CTNNA2: variants seen among roughly 807,000 people sequenced by gnomAD.
CTNNA2 encodes the protein catenin alpha 2.
A neutral mutation model predicts 101.0 loss-of-function variants in CTNNA2; 42 were observed. That is an observed-to-expected ratio of 0.42 (90% CI 0.32 to 0.54). The LOEUF (loss-of-function observed/expected upper bound fraction) is 0.54. Ranked by LOEUF, CTNNA2 falls within the 20% of genes least tolerant of loss-of-function variation. CTNNA2 has a pLI of 0.14. For missense variants in CTNNA2, 871 were observed against 1,223.1 expected (o/e 0.71, Z 4.29); for synonymous variants, 450 against 456.4 (o/e 0.99, Z 0.18).
intron 7 of CTNNA2, among the ~76,000 whole-genome samples, chr2:79,939,268 T>G (rs888413255): frequency 6.6e-6 from 1 of 151,802 alleles, no homozygotes; most frequent in Non-Finnish European, 1.5e-5. Context: ...AAGTAGCTTG[T>G]AGCATCTGAC....
chr2:80,142,094 G>A (rs908615017), intron 7 of CTNNA2, among the ~76,000 whole-genome samples: 3 of 151,990 alleles, frequency 2.0e-5, no homozygotes, highest in Non-Finnish European at 4.4e-5. Context: ...AGAAAGCTTC[G>A]CCTCCTAAAC....
intron 1 of CTNNA2, among the ~76,000 whole-genome samples, chr2:79,571,197 T>C (rs1675439645): frequency 6.6e-6 from 1 of 152,176 alleles, no homozygotes; most frequent in African/African-American, 2.4e-5. Flanking sequence ...GGGCCTGTTT[T>C]CCATTTCTCA....
intron 12 of CTNNA2, among the ~76,000 whole-genome samples, chr2:80,568,251 T>C (rs1211039892): frequency 4.6e-5 from 7 of 152,248 alleles, no homozygotes; most frequent in South Asian, 2.1e-4. Flanking sequence ...ACTGAACCAA[T>C]GCTAAATGAT....
chr2:80,490,271 T>TCCCCCCCCTCC (rs1185906142), intron 9 of CTNNA2, among the ~76,000 whole-genome samples: 1 of 51,848 alleles, frequency 1.9e-5, no homozygotes, highest in Admixed American at 2.2e-4. Context: ...TTTTTTTCCT[T>TCCCCCCCCTCC]CCCCCCCCAC....
chr2:79,975,166 A>T lies in CTNNA2; in HGVS notation c.1056+65369A>T, dbSNP rs930264. On this transcript the variant is annotated intron_variant, in intron 7 of 18. Transcript: ENST00000402739. The stretch of plus-strand genomic sequence containing the variant: ...AGTGACTTGCCTTATTCGTGAAACA[A>T]AATGATTTTGAGTTAGAGGCAGACT... Among the ~76,000 whole-genome samples the T allele has an allele frequency of 8.9e-3, 1,355 of 152,292 alleles. 20 individuals carry two copies. The highest frequency in any genetic ancestry group is 0.029 in the African/African-American group (1,214 of 41,554).
At chr2:80,471,452 G>A (rs1214900871) in intron 9 of CTNNA2, among the ~76,000 whole-genome samples, 1 of 152,118 alleles carries the variant, frequency 6.6e-6, no homozygotes, top group Non-Finnish European at 1.5e-5. Context: ...CCTACTGTAG[G>A]AGCCAGTGAT....
chr2:80,570,581 T>C (rs1170964972), intron 12 of CTNNA2, among the ~76,000 whole-genome samples: 1 of 152,138 alleles, frequency 6.6e-6, no homozygotes, highest in Non-Finnish European at 1.5e-5. Flanking sequence ...GTAAATATAA[T>C]GAATTGAATG....
intron 3 of CTNNA2, among the ~76,000 whole-genome samples, chr2:79,805,561 G>A (rs1271174468): frequency 1.3e-5 from 2 of 152,036 alleles, no homozygotes. Flanking sequence ...AATAATAATA[G>A]CAGTACGTTA....
At chr2:80,128,520 A>C (rs1010182515) in intron 7 of CTNNA2, among the ~76,000 whole-genome samples, 18 of 152,154 alleles carry the variant, frequency 1.2e-4, no homozygotes, top group African/African-American at 4.3e-4. Flanking sequence ...AAGCAACGTA[A>C]GTTAAAAGAC....
intron 1 of CTNNA2, among the ~76,000 whole-genome samples, chr2:79,196,879 A>G (rs1673968325): frequency 6.6e-6 from 1 of 152,178 alleles, no homozygotes; most frequent in Non-Finnish European, 1.5e-5. Flanking sequence ...TTAGGGATGC[A>G]TGCTTCTTTA....
intron 4 of CTNNA2, among the ~76,000 whole-genome samples, chr2:79,397,819 G>A (rs968307420): frequency 6.6e-5 from 10 of 152,062 alleles, no homozygotes; most frequent in Non-Finnish European, 1.0e-4. Flanking sequence ...CACCAAGTCT[G>A]TTTATTTTTT....
intron 4 of CTNNA2, among the ~76,000 whole-genome samples, chr2:79,470,385 C>T (rs998772303): frequency 6.6e-6 from 1 of 152,060 alleles, no homozygotes; most frequent in Non-Finnish European, 1.5e-5. Flanking sequence ...AACTGTAAAT[C>T]CAAAGTAGCC....
intron 2 of CTNNA2, among the ~76,000 whole-genome samples, chr2:79,305,457 G>A (rs937271861): frequency 1.3e-5 from 2 of 150,776 alleles, no homozygotes; most frequent in African/African-American, 4.9e-5. Context: ...TAGAGTTTGT[G>A]TTACTACCTT....
At position 80,150,958 on chromosome 2, in the gene CTNNA2, C is replaced by G. The variant is rs553732122; in HGVS notation, c.1056+241161C>G. ...AACCAGTCTCCCATCACTTTCTCCT[C>G]AGGTGAAGTTGAAAGCTCAGCCTGT... On this transcript the variant is annotated intron_variant, in intron 7 of 18. Transcript: ENST00000402739. Among the ~76,000 whole-genome samples the G allele has an allele frequency of 1.4e-3, 207 of 152,302 alleles. 1 individual carries two copies. The highest frequency in any genetic ancestry group is 4.8e-3 in the African/African-American group (198 of 41,562).
intron 7 of CTNNA2, among the ~76,000 whole-genome samples, chr2:80,245,516 A>G (rs976779306): frequency 5.3e-5 from 8 of 152,114 alleles, no homozygotes; most frequent in South Asian, 2.1e-4. Context: ...TTATAGTCCC[A>G]CAGATACATC....
intron 7 of CTNNA2, among the ~76,000 whole-genome samples, chr2:80,160,999 C>A (rs1704280629): frequency 6.6e-6 from 1 of 151,968 alleles, no homozygotes; most frequent in African/African-American, 2.4e-5. Flanking sequence ...TGACTTTTGC[C>A]AATTGCTTTT....
At chr2:79,976,663 A>G (rs959582982) in intron 7 of CTNNA2, among the ~76,000 whole-genome samples, 3 of 152,206 alleles carry the variant, frequency 2.0e-5, no homozygotes, top group Non-Finnish European at 2.9e-5. Context: ...CCTGAAAGGT[A>G]TATTGTCCCA....
rs1036225829 is a variant in CTNNA2 at position 80,648,115 on chromosome 2, T to A, written c.*243T>A. ...AGAGCTGTCCTTTGCAACATTCTCA[T>A]AAAATTGGGCACAGAGTTCGCATTG... On this transcript the variant is annotated 3_prime_UTR_variant, in exon 19 of 19. Transcript: ENST00000402739. 2.2e-5 allele frequency: 7 copies of A among 321,918 alleles called. No individual in the cohort carries two copies. The highest frequency in any genetic ancestry group is 8.5e-5 in the African/African-American group (4 of 47,326). 19.9% of individuals were successfully genotyped at this position (321,918 alleles called of 1,614,324 possible).
chr2:80,645,378 CGAAAAAGTAAAATTCATGTGAGAT>C (rs1673963031), intron 18 of CTNNA2, among the ~76,000 whole-genome samples: 1 of 151,968 alleles, frequency 6.6e-6, no homozygotes, highest in Non-Finnish European at 1.5e-5. Context: ...ATGGGAAAGA[CGAAAAAGTAAAATTCATGTGAGAT>C]AACTGGCTAT....
Sources: allele counts gnomAD v4.1 joint callset (sites outside exome capture counted in the v4.1 genomes callset), GRCh38; gene constraint gnomAD v4.1.1; transcripts MANE v1.5; gene names NCBI Gene and HGNC (gene_info 2026-07-23, HGNC 2026-07-21).